CCDC171: variants seen among roughly 807,000 people sequenced by gnomAD.
The protein encoded by CCDC171 is coiled-coil domain-containing protein 171.
A neutral mutation model predicts 168.2 loss-of-function variants in CCDC171; 177 were observed. The ratio of observed to expected loss-of-function variants is 1.05; its 90% confidence interval spans 0.93 to 1.19. The LOEUF (loss-of-function observed/expected upper bound fraction) is 1.19. Among genes scored for constraint, CCDC171 ranks in the 50% most tolerant of loss-of-function variants. The probability of loss-of-function intolerance (pLI) is 0.00; values close to 1 mark genes in which losing one functional copy is unlikely to be tolerated. For missense variants in CCDC171, 1,991 were observed against 1,539.0 expected (o/e 1.29, Z -4.91); for synonymous variants, 687 against 540.8 (o/e 1.27, Z -3.75).
intron 7 of CCDC171, among the ~76,000 whole-genome samples, chr9:15,649,560 C>G (rs2047334938): frequency 6.6e-6 from 1 of 152,018 alleles, no homozygotes; most frequent in Non-Finnish European, 1.5e-5. Context: ...AAGAAAAAAA[C>G]AAACAACCCC....
intron 21 of CCDC171, among the ~76,000 whole-genome samples, chr9:15,829,524 A>G (rs2060145236): frequency 6.6e-6 from 1 of 152,214 alleles, no homozygotes. Context: ...TAAAGCATCT[A>G]AAATTTAAGG....
intron 3 of CCDC171, among the ~76,000 whole-genome samples, chr9:15,989,235 A>G (rs1235322049): frequency 2.0e-5 from 3 of 152,166 alleles, no homozygotes; most frequent in Admixed American, 6.5e-5. Context: ...CGAAGCTTCC[A>G]GAGGAACAAT....
chr9:15,690,234 A>T (rs941493781), intron 10 of CCDC171, among the ~76,000 whole-genome samples: 1 of 152,164 alleles, frequency 6.6e-6, no homozygotes, highest in African/African-American at 2.4e-5. Flanking sequence ...TAAAAACATT[A>T]AACACTTTAA....
intron 21 of CCDC171, among the ~76,000 whole-genome samples, chr9:15,839,057 A>G (rs2060567314): frequency 6.6e-6 from 1 of 152,202 alleles, no homozygotes; most frequent in Admixed American, 6.5e-5. Flanking sequence ...AGTTATATAA[A>G]ATTCTATACT....
At chr9:15,807,508 C>A (rs554330737) in intron 21 of CCDC171, among the ~76,000 whole-genome samples, 1 of 152,178 alleles carries the variant, frequency 6.6e-6, no homozygotes, top group Admixed American at 6.5e-5. Flanking sequence ...GAGGTATGGT[C>A]CTTCTGGGAT....
chr9:15,956,838 G>A (rs938832031), intron 25 of CCDC171, among the ~76,000 whole-genome samples: 6 of 151,958 alleles, frequency 3.9e-5, no homozygotes, highest in Non-Finnish European at 4.4e-5. Context: ...CGACCTTTCC[G>A]CTTTTACTTG....
chr9:15,859,259 C>G (rs2061460200), intron 23 of CCDC171, among the ~76,000 whole-genome samples: 1 of 151,918 alleles, frequency 6.6e-6, no homozygotes. Context: ...GGCGCCTAAT[C>G]CTTTAATTGT....
intron 6 of CCDC171, among the ~76,000 whole-genome samples, chr9:15,606,532 T>A (rs1037621400): frequency 3.3e-5 from 5 of 152,198 alleles, no homozygotes; most frequent in Non-Finnish European, 5.9e-5. Flanking sequence ...CAGGAGATAA[T>A]AATGTAATAG....
chr9:15,939,625 C>A (rs1435027276), intron 25 of CCDC171, among the ~76,000 whole-genome samples: 1 of 151,872 alleles, frequency 6.6e-6, no homozygotes, highest in Non-Finnish European at 1.5e-5. Context: ...ATGGATACCT[C>A]AGGCTGGGAG....
intron 3 of CCDC171, among the ~76,000 whole-genome samples, chr9:15,989,736 A>G (rs912097493): frequency 3.9e-5 from 6 of 152,100 alleles, no homozygotes; most frequent in African/African-American, 1.5e-4. Context: ...TCCTTAAATG[A>G]CCTGATGGAG....
intron 3 of CCDC171, among the ~76,000 whole-genome samples, chr9:16,008,624 C>T (rs1222220006): frequency 6.6e-6 from 1 of 152,162 alleles, no homozygotes; most frequent in Non-Finnish European, 1.5e-5. Context: ...CTGTTCTTGC[C>T]ATTTTGTAAT....
chr9:16,007,451 T>C (rs1832739673), intron 3 of CCDC171, among the ~76,000 whole-genome samples: 1 of 152,244 alleles, frequency 6.6e-6, no homozygotes, highest in African/African-American at 2.4e-5. Flanking sequence ...ATCCCAATTG[T>C]CAATTTTGGC....
At chr9:15,593,384 C>T (rs1010827827) in intron 5 of CCDC171, among the ~76,000 whole-genome samples, 13 of 152,072 alleles carry the variant, frequency 8.5e-5, no homozygotes, top group Non-Finnish European at 1.9e-4. Context: ...TGCAGTACAC[C>T]TCAGAAAACC....
At chr9:15,644,425 G>C (rs1295672988) in intron 7 of CCDC171, among the ~76,000 whole-genome samples, 1 of 152,146 alleles carries the variant, frequency 6.6e-6, no homozygotes, top group African/African-American at 2.4e-5. Flanking sequence ...CAGTGAGCGT[G>C]AGCCTAAGCA....
intron 16 of CCDC171, among the ~76,000 whole-genome samples, chr9:15,742,801 CT>C (rs869086658): frequency 2.0e-4 from 30 of 150,178 alleles, no homozygotes; most frequent in Admixed American, 1.3e-3. Context: ...CTAATCAATA[CT>C]TTTTTTTTTC....
chr9:16,082,317 T>A, the CCDC171 span, among the ~76,000 whole-genome samples: 55 of 152,356 alleles, frequency 3.6e-4, no homozygotes, highest in South Asian at 2.3e-3. Flanking sequence ...AAGTGAGTTA[T>A]GTATGGTCCA....
At chr9:15,623,140 C>A in intron 6 of CCDC171, 127 bp from the exon 7 acceptor site, 1 of 549,002 alleles carries the variant, frequency 1.8e-6, no homozygotes, top group Non-Finnish European at 3.0e-6. Context: ...GCCTCTTTTG[C>A]CTATATAAAT....
intron 16 of CCDC171, among the ~76,000 whole-genome samples, chr9:15,742,770 C>T (rs1304203585): frequency 3.3e-5 from 5 of 151,998 alleles, no homozygotes; most frequent in Admixed American, 6.6e-5. Context: ...GTCTCTTTTC[C>T]GAGTACATGT....
At chr9:15,625,443 G>A (rs1433951262) in intron 7 of CCDC171, among the ~76,000 whole-genome samples, 1 of 152,026 alleles carries the variant, frequency 6.6e-6, no homozygotes, top group Non-Finnish European at 1.5e-5. Flanking sequence ...GGTTTTTATG[G>A]TTTTAGGTCT....
Sources: allele counts gnomAD v4.1 joint callset (sites outside exome capture counted in the v4.1 genomes callset), GRCh38; gene constraint gnomAD v4.1.1; transcripts MANE v1.5; gene names NCBI Gene and HGNC (gene_info 2026-07-23, HGNC 2026-07-21).